Variants in PRKAR2A observed in about 807,000 individuals in gnomAD.
The protein encoded by PRKAR2A is protein kinase cAMP-dependent type II regulatory subunit alpha.
PRKAR2A carries 29 observed loss-of-function variants against 51.9 expected under a neutral mutation model. The ratio of observed to expected loss-of-function variants is 0.56; its 90% CI spans 0.42 to 0.76. The LOEUF (loss-of-function observed/expected upper bound fraction) is 0.76, where lower values mean the gene tolerates loss of function less well. Among genes scored for constraint, PRKAR2A ranks in the 30% least tolerant of loss-of-function variants. The probability of loss-of-function intolerance (pLI) is 0.00; values close to 1 mark genes in which losing one functional copy is unlikely to be tolerated. For synonymous variants in PRKAR2A, 178 were observed against 186.2 expected (o/e 0.96, Z 0.36); for missense variants, 445 against 512.1 (o/e 0.87, Z 1.26).
chr3:48,803,511 G>A (rs770162336), intron 2 of PRKAR2A, among the ~76,000 whole-genome samples: 6 of 152,110 alleles, frequency 3.9e-5, no homozygotes, highest in African/African-American at 7.2e-5. Flanking sequence ...TGTAACCTCC[G>A]CTTCCCAGGT....
At position 48,790,628 on chromosome 3, in the gene PRKAR2A, C is replaced by A; in HGVS notation, c.352-1G>T. On this transcript the variant is annotated splice_acceptor_variant, in intron 3 of 10. Transcript: ENST00000265563. LOFTEE classifies it high-confidence loss of function. ...GTTCATCAGTTTTAGGATGAATCAC[C>A]TGCCAATCCAAATAAAACCATGGAA... is the stretch of plus-strand genomic sequence containing the variant. 6.9e-7 allele frequency: 1 copy of A among 1,442,430 alleles called. No individual in the cohort carries two copies. The highest frequency in any genetic ancestry group is 1.6e-5 in the South Asian group (1 of 61,412). 89.4% of individuals were successfully genotyped at this position (1,442,430 alleles called of 1,614,324 possible). A position where few individuals can be genotyped will look rare whatever the true frequency, so the allele number is the denominator to read the frequency against.
chr3:48,833,307 C>G (rs2083225567), intron 1 of PRKAR2A, among the ~76,000 whole-genome samples: 1 of 152,030 alleles, frequency 6.6e-6, no homozygotes, highest in African/African-American at 2.4e-5. Context: ...CCCAAAGTAC[C>G]AAAATTATAG....
chr3:48,820,048 C>A (rs933217108), intron 1 of PRKAR2A, among the ~76,000 whole-genome samples: 1 of 152,164 alleles, frequency 6.6e-6, no homozygotes, highest in African/African-American at 2.4e-5. Context: ...TGGTAACTTG[C>A]TTGGAACAAG....
At chr3:48,826,268 A>C (rs2083063935) in intron 1 of PRKAR2A, among the ~76,000 whole-genome samples, 1 of 152,206 alleles carries the variant, frequency 6.6e-6, no homozygotes, top group Non-Finnish European at 1.5e-5. Context: ...CCTTGTCTCA[A>C]AAAAATTCAG....
intron 3 of PRKAR2A, among the ~76,000 whole-genome samples, chr3:48,792,827 G>A (rs1213439519): frequency 6.6e-6 from 1 of 151,894 alleles, no homozygotes; most frequent in Non-Finnish European, 1.5e-5. Context: ...ATGTTGGGAG[G>A]CTGAGGCAGG....
intron 1 of PRKAR2A, among the ~76,000 whole-genome samples, chr3:48,816,661 T>A (rs1043083065): frequency 6.6e-6 from 1 of 151,962 alleles, no homozygotes; most frequent in African/African-American, 2.4e-5. Flanking sequence ...ATTTACTAAC[T>A]GGGTATACAA....
At chr3:48,792,908 G>A (rs1172817947) in intron 3 of PRKAR2A, among the ~76,000 whole-genome samples, 2 of 151,724 alleles carry the variant, frequency 1.3e-5, no homozygotes, top group African/African-American at 2.4e-5. Flanking sequence ...CAGCCCGGGC[G>A]ACAGTGCGAG....
In PRKAR2A at chr3:48,747,790, GAAC is replaced by G. The variant is rs2107176746; in HGVS notation, c.*3792_*3794del. The stretch of plus-strand genomic sequence containing the variant: ...GGCATGAGCTCTAATTCATTGAAGA[GAAC>G]ACCACAAAACAGTTAACAAAGGGAT... On this transcript the variant is annotated 3_prime_UTR_variant, in exon 11 of 11. Transcript: ENST00000265563. The G allele has an allele frequency of 6.6e-6, 1 of 152,320 alleles. No homozygotes were observed. The highest frequency in any genetic ancestry group is 1.9e-4 in the East Asian group (1 of 5,182). The allele number at this position is 152,320 out of a possible 1,614,324, so 9.4% of individuals were successfully genotyped here.
chr3:48,803,891 G>C (rs1011924109), intron 2 of PRKAR2A, among the ~76,000 whole-genome samples: 9 of 152,280 alleles, frequency 5.9e-5, no homozygotes, highest in African/African-American at 1.7e-4. Flanking sequence ...TTGAACTCAA[G>C]AGGTGGAGGT....
intron 9 of PRKAR2A, among the ~76,000 whole-genome samples, chr3:48,753,871 A>T (rs952389843): frequency 6.6e-6 from 1 of 151,582 alleles, no homozygotes; most frequent in Non-Finnish European, 1.5e-5. Context: ...TGTAAGTAAA[A>T]TGACACAGAC....
chr3:48,793,114 T>C (rs149244184), intron 3 of PRKAR2A, among the ~76,000 whole-genome samples: 2 of 151,510 alleles, frequency 1.3e-5, no homozygotes, highest in Non-Finnish European at 2.9e-5. Flanking sequence ...CAAATAAATA[T>C]ATATATTTCA....
Position 48,751,405 on chromosome 3 carries a change from T to C in PRKAR2A, c.*180A>G. On this transcript the variant is annotated 3_prime_UTR_variant, in exon 11 of 11. Transcript: ENST00000265563. ...TCAGAAGCAAAGTGGAGGTGTGGGTTGAACCTCTGCCCATCCTTTAGTGCT... is the reference window on the plus strand; with the variant it reads ...TCAGAAGCAAAGTGGAGGTGTGGGTCGAACCTCTGCCCATCCTTTAGTGCT... The C allele has an allele frequency of 2.3e-6, 2 of 864,650 alleles. No homozygotes were observed. Among genetic ancestry groups the C allele is most frequent in the Non-Finnish European group, 3.8e-6 (2 of 533,160 alleles). 53.6% of individuals were successfully genotyped at this position (864,650 alleles called of 1,614,324 possible). A position where few individuals can be genotyped will look rare whatever the true frequency, so the allele number is the denominator to read the frequency against.
chr3:48,772,680 G>A (rs183367396), intron 6 of PRKAR2A, among the ~76,000 whole-genome samples: 519 of 151,606 alleles, frequency 3.4e-3, no homozygotes, highest in Non-Finnish European at 4.6e-3. Context: ...TCGCTGTGTC[G>A]CCCAGGCTGG....
At chr3:48,841,408 G>A (rs2083379438) in intron 1 of PRKAR2A, among the ~76,000 whole-genome samples, 1 of 151,620 alleles carries the variant, frequency 6.6e-6, no homozygotes, top group Non-Finnish European at 1.5e-5. Context: ...ACCCAAGTGT[G>A]GTGGCGCATG....
At chr3:48,828,391 C>T (rs185121328) in intron 1 of PRKAR2A, among the ~76,000 whole-genome samples, 1 of 151,940 alleles carries the variant, frequency 6.6e-6, no homozygotes, top group Admixed American at 6.6e-5. Flanking sequence ...TAACATTTAC[C>T]TTAATACATA....
intron 1 of PRKAR2A, among the ~76,000 whole-genome samples, chr3:48,843,586 T>C (rs1443041261): frequency 1.3e-5 from 2 of 152,168 alleles, no homozygotes; most frequent in African/African-American, 2.4e-5. Flanking sequence ...CTTCAAACTA[T>C]AATACAAGGC....
chr3:48,778,239 T>C (rs567652575), intron 5 of PRKAR2A, among the ~76,000 whole-genome samples: 31 of 151,992 alleles, frequency 2.0e-4, no homozygotes, highest in African/African-American at 7.5e-4. Flanking sequence ...AAGTAATCCA[T>C]ATCGGCCTCC....
intron 6 of PRKAR2A, among the ~76,000 whole-genome samples, chr3:48,769,819 G>A (rs1193484727): frequency 6.6e-6 from 1 of 151,660 alleles, no homozygotes; most frequent in Non-Finnish European, 1.5e-5. Context: ...CTGTCACTCA[G>A]CAGGCTGGAG....
At chr3:48,810,564 T>G (rs946663512) in intron 1 of PRKAR2A, among the ~76,000 whole-genome samples, 3 of 152,146 alleles carry the variant, frequency 2.0e-5, no homozygotes, top group Non-Finnish European at 4.4e-5. Flanking sequence ...ATTTGCATGA[T>G]GGCAACACTG....
Sources: allele counts gnomAD v4.1 joint callset (sites outside exome capture counted in the v4.1 genomes callset), GRCh38; gene constraint gnomAD v4.1.1; transcripts MANE v1.5; gene names NCBI Gene and HGNC (gene_info 2026-07-23, HGNC 2026-07-21).